The following PTPRT variants were observed in gnomAD, a reference collection of about 807,000 sequenced individuals.
PTPRT encodes protein tyrosine phosphatase receptor type T.
In PTPRT, 56 loss-of-function variants were observed where a neutral mutation model predicts 176.8. The ratio of observed to expected loss-of-function variants is 0.32; its 90% CI spans 0.26 to 0.40. The LOEUF is 0.40. PTPRT is among the 10% of genes least tolerant of loss of function. The pLI is 1.00. For missense variants in PTPRT, 1,540 were observed against 1,908.2 expected (o/e 0.81, Z 3.60); for synonymous variants, 783 against 739.0 (o/e 1.06, Z -0.96).
intron 2 of PTPRT, among the ~76,000 whole-genome samples, chr20:42,857,469 T>C (rs1016544238): frequency 6.6e-6 from 1 of 152,226 alleles, no homozygotes; most frequent in Admixed American, 6.5e-5. Context: ...TCTATTCTTT[T>C]AACCTTTTTG....
chr20:42,779,580 A>G (rs2077185250), intron 4 of PTPRT, among the ~76,000 whole-genome samples: 1 of 152,186 alleles, frequency 6.6e-6, no homozygotes, highest in Admixed American at 6.5e-5. Flanking sequence ...TCTGAGATTT[A>G]GTAAATCCAG....
rs374031743 is a variant in PTPRT at position 42,084,754 on chromosome 20, T to C, written c.4064A>G (p.Lys1355Arg). The C allele has an allele frequency of 6.4e-7, 1 of 1,567,312 alleles. No individual in the cohort carries two copies. The highest frequency in any genetic ancestry group is 8.7e-7 in the Non-Finnish European group (1 of 1,153,378). ...DTPPSKRSLL[K>R]VVRRLEKWQE... is the part of the protein sequence containing the mutation. Reference sequence around the variant, plus strand: ...CCACTTCTCCAGTCGTCGGACCACTTTGAGCAGAGAGCGCTTGGAGGGGGG... The same window carrying C: ...CCACTTCTCCAGTCGTCGGACCACTCTGAGCAGAGAGCGCTTGGAGGGGGG... Residue 1355 changes from lysine to arginine, a missense_variant, in exon 29 of 31, where the codon AAA becomes AGA. Physicochemically the swap from Lys to Arg is conservative, Grantham distance 26. Around this residue, in one of 11 missense-constraint regions of PTPRT, gnomAD observed 342 missense variants for 394.0 expected, o/e 0.87. Transcript: ENST00000373187.
chr20:42,033,059 C>T, the PTPRT span, among the ~76,000 whole-genome samples: 1 of 152,130 alleles, frequency 6.6e-6, no homozygotes, highest in South Asian at 2.1e-4. Flanking sequence ...TAGACTAGAA[C>T]ATGTGATGTA....
At chr20:43,049,067 T>G (rs1428113420) in intron 1 of PTPRT, among the ~76,000 whole-genome samples, 1 of 152,146 alleles carries the variant, frequency 6.6e-6, no homozygotes, top group Non-Finnish European at 1.5e-5. Flanking sequence ...TGGTTCTGCT[T>G]CAGAGGCTGT....
chr20:42,304,039 G>A (rs1421021486), intron 12 of PTPRT, among the ~76,000 whole-genome samples: 2 of 152,194 alleles, frequency 1.3e-5, no homozygotes, highest in African/African-American at 4.8e-5. Flanking sequence ...GGACCATGAT[G>A]TAAAAGATGA....
intron 6 of PTPRT, among the ~76,000 whole-genome samples, chr20:42,692,955 A>G (rs1304279249): frequency 6.6e-6 from 1 of 152,200 alleles, no homozygotes; most frequent in Non-Finnish European, 1.5e-5. Context: ...ACAATAATTT[A>G]CACCTTGATT....
intron 2 of PTPRT, among the ~76,000 whole-genome samples, chr20:42,815,732 C>T (rs1403929642): frequency 2.6e-5 from 4 of 152,180 alleles, no homozygotes; most frequent in Non-Finnish European, 4.4e-5. Context: ...ACAATCAGGG[C>T]AAGAGAGAGG....
intron 11 of PTPRT, among the ~76,000 whole-genome samples, chr20:42,332,142 C>T (rs1342836947): frequency 1.3e-5 from 2 of 152,112 alleles, no homozygotes; most frequent in Non-Finnish European, 2.9e-5. Flanking sequence ...TCATGTGATA[C>T]AATGGGCAGT....
At chr20:42,902,037 C>T (rs1412053269) in intron 1 of PTPRT, among the ~76,000 whole-genome samples, 1 of 152,152 alleles carries the variant, frequency 6.6e-6, no homozygotes, top group Non-Finnish European at 1.5e-5. Context: ...ACTCATTCTT[C>T]CTTCCAAAGG....
chr20:42,489,826 C>T (rs1794202372), intron 7 of PTPRT, among the ~76,000 whole-genome samples: 1 of 152,210 alleles, frequency 6.6e-6, no homozygotes, highest in African/African-American at 2.4e-5. Flanking sequence ...CTTTGCCCAA[C>T]TCTAGTCTAC....
At chr20:42,523,291 T>TG (rs963381799) in intron 7 of PTPRT, among the ~76,000 whole-genome samples, 186 of 152,348 alleles carry the variant, frequency 1.2e-3, no homozygotes, top group African/African-American at 4.2e-3. Flanking sequence ...ATCTTGTAGC[T>TG]GTCAGTCTCA....
chr20:42,729,311 A>G (rs2076426084), intron 6 of PTPRT, among the ~76,000 whole-genome samples: 1 of 152,188 alleles, frequency 6.6e-6, no homozygotes, highest in Non-Finnish European at 1.5e-5. Context: ...ACAGCTGCAA[A>G]AGGGGAGAAA....
intron 2 of PTPRT, 77 bp downstream of exon 2, chr20:42,885,726 TGTAA>T (rs1208698940): frequency 7.2e-6 from 11 of 1,520,550 alleles, no homozygotes; most frequent in East Asian, 2.4e-5. Flanking sequence ...GAGCTCAATG[TGTAA>T]GTAAGTTCTT....
chr20:42,979,983 G>C (rs557240638), intron 1 of PTPRT, among the ~76,000 whole-genome samples: 2 of 118,578 alleles, frequency 1.7e-5, no homozygotes, highest in South Asian at 3.7e-4. Context: ...CGGCCGGGAA[G>C]GGGGGGTGGG....
At chr20:42,814,822 CT>C in intron 2 of PTPRT, among the ~76,000 whole-genome samples, 1 of 152,118 alleles carries the variant, frequency 6.6e-6, no homozygotes, top group East Asian at 1.9e-4. Context: ...CAGAAGGCCC[CT>C]ATTTTGCTGA....
In PTPRT at chr20:42,355,293, C is replaced by T. The variant is rs571403309; in HGVS notation, c.1561-3008G>A. On this transcript the variant is annotated intron_variant, in intron 9 of 30. Transcript: ENST00000373187. ...TCTAGAGGCAGCTGGTTTGAAAACA[C>T]AGTGATGATTGGCTACTTTCCTTTC... is the stretch of plus-strand genomic sequence containing the variant. 2.7e-3 allele frequency among the ~76,000 whole-genome samples: 411 copies of T among 152,276 alleles called. 1 individual carries two copies. Among genetic ancestry groups the T allele is most frequent in the African/African-American group, 9.6e-3 (400 of 41,562 alleles).
chr20:43,041,627 C>A (rs1011411531), intron 1 of PTPRT, among the ~76,000 whole-genome samples: 2 of 152,182 alleles, frequency 1.3e-5, no homozygotes, highest in African/African-American at 4.8e-5. Context: ...TTCCAAGAAT[C>A]ATTTTCGGCT....
intron 7 of PTPRT, among the ~76,000 whole-genome samples, chr20:42,636,415 T>G (rs2074601713): frequency 6.6e-6 from 1 of 152,068 alleles, no homozygotes; most frequent in Non-Finnish European, 1.5e-5. Context: ...ATAAAACTGT[T>G]CAAGGGAGAA....
chr20:42,579,746 G>A (rs2073336937), intron 7 of PTPRT, among the ~76,000 whole-genome samples: 1 of 152,126 alleles, frequency 6.6e-6, no homozygotes, highest in Non-Finnish European at 1.5e-5. Context: ...CCCACTTGTT[G>A]ATGGGGTTGT....
Sources: allele counts gnomAD v4.1 joint callset (sites outside exome capture counted in the v4.1 genomes callset), GRCh38; gene constraint gnomAD v4.1.1; regional missense constraint gnomAD v4.1.1; transcripts MANE v1.5; gene names NCBI Gene and HGNC (gene_info 2026-07-23, HGNC 2026-07-21).